Variants in KHDRBS3 observed in about 807,000 individuals in gnomAD.
The protein encoded by KHDRBS3 is KH domain-containing, RNA-binding, signal transduction-associated protein 3.
In KHDRBS3, 23 loss-of-function variants were observed where a neutral mutation model predicts 45.6. The observed-to-expected ratio is 0.50, with a 90% CI of 0.36 to 0.72. KHDRBS3 has a LOEUF of 0.72. Among genes scored for constraint, KHDRBS3 ranks in the 30% least tolerant of loss-of-function variants. The pLI is 0.00. For missense variants in KHDRBS3, 352 were observed against 424.8 expected (o/e 0.83, Z 1.51); for synonymous variants, 162 against 156.5 (o/e 1.04, Z -0.26).
chr8:135,500,439 G>C (rs16905381), intron 1 of KHDRBS3, among the ~76,000 whole-genome samples: 16,284 of 152,194 alleles, frequency 0.11, 975 homozygotes, highest in East Asian at 0.19. Context: ...GACAATGGAA[G>C]TAGTTTTTTA....
At chr8:135,459,636 AAAGT>A (rs1045862066) in intron 1 of KHDRBS3, among the ~76,000 whole-genome samples, 1 of 152,206 alleles carries the variant, frequency 6.6e-6, no homozygotes, top group African/African-American at 2.4e-5. Context: ...TTTTCCTAAT[AAAGT>A]AGCTGAATCA....
rs376192401 is a variant in KHDRBS3 at position 135,604,137 on chromosome 8, C to A, written c.808-2818C>A. Among the ~76,000 whole-genome samples the A allele has an allele frequency of 5.3e-5, 8 of 151,160 alleles. No individual in the cohort carries two copies. The East Asian group carries it at 1.6e-3, about 29-fold the overall frequency. ...GCATACATGTTCATAATTATTTTACCTTCTTGATGGATTGATCTTTTTATC... is the reference window on the plus strand; with the variant it reads ...GCATACATGTTCATAATTATTTTACATTCTTGATGGATTGATCTTTTTATC... On this transcript the variant is annotated intron_variant, in intron 6 of 8. Transcript: ENST00000355849.
chr8:135,460,887 C>T (rs940182341), intron 1 of KHDRBS3, among the ~76,000 whole-genome samples: 3 of 152,100 alleles, frequency 2.0e-5, no homozygotes, highest in African/African-American at 4.8e-5. Flanking sequence ...ATTCAGTGTT[C>T]GTAAAGATTG....
chr8:135,532,898 C>T (rs1825551362), intron 2 of KHDRBS3, among the ~76,000 whole-genome samples: 1 of 152,068 alleles, frequency 6.6e-6, no homozygotes, highest in East Asian at 1.9e-4. Flanking sequence ...CAGTGCAGGT[C>T]TCACAAAGGT....
At chr8:135,593,881 A>G (rs1257863995) in intron 6 of KHDRBS3, among the ~76,000 whole-genome samples, 1 of 152,164 alleles carries the variant, frequency 6.6e-6, no homozygotes, top group East Asian at 1.9e-4. Flanking sequence ...GGAAAGTACA[A>G]CTGCTTGATG....
chr8:135,546,778 A>G (rs1254558241), intron 3 of KHDRBS3, among the ~76,000 whole-genome samples: 1 of 152,170 alleles, frequency 6.6e-6, no homozygotes, highest in African/African-American at 2.4e-5. Flanking sequence ...ATGTTGAATT[A>G]GGGGTTTAAT....
chr8:135,589,131 C>T (rs1828622551), intron 6 of KHDRBS3, among the ~76,000 whole-genome samples: 1 of 152,178 alleles, frequency 6.6e-6, no homozygotes, highest in Non-Finnish European at 1.5e-5. Flanking sequence ...ATAGTAGTCA[C>T]TTAATAAATA....
At chr8:135,572,047 T>A (rs1380872931) in intron 5 of KHDRBS3, among the ~76,000 whole-genome samples, 1 of 152,218 alleles carries the variant, frequency 6.6e-6, no homozygotes, top group East Asian at 1.9e-4. Context: ...GTAGGCAAAT[T>A]ACTTCTCTGT....
intron 1 of KHDRBS3, among the ~76,000 whole-genome samples, chr8:135,508,094 G>C (rs1045511770): frequency 1.3e-5 from 2 of 152,112 alleles, no homozygotes; most frequent in African/African-American, 4.8e-5. Flanking sequence ...TTTACTCTGA[G>C]CCTTTACTGT....
intron 7 of KHDRBS3, among the ~76,000 whole-genome samples, chr8:135,610,233 C>G (rs544312966): frequency 6.6e-6 from 1 of 151,934 alleles, no homozygotes; most frequent in African/African-American, 2.4e-5. Context: ...AGAGCCTGCT[C>G]TAAATCAGGC....
At chr8:135,483,850 T>G (rs1470026946) in intron 1 of KHDRBS3, among the ~76,000 whole-genome samples, 1 of 152,200 alleles carries the variant, frequency 6.6e-6, no homozygotes, top group Non-Finnish European at 1.5e-5. Context: ...TTTCTGGGCC[T>G]GGACAGGACA....
chr8:135,491,245 A>G (rs1823135738), intron 1 of KHDRBS3, among the ~76,000 whole-genome samples: 1 of 152,120 alleles, frequency 6.6e-6, no homozygotes, highest in Non-Finnish European at 1.5e-5. Flanking sequence ...TGAGAGGAAG[A>G]TGAATAGAAA....
intron 6 of KHDRBS3, among the ~76,000 whole-genome samples, chr8:135,588,534 CA>C (rs1368788142): frequency 6.6e-6 from 1 of 152,150 alleles, no homozygotes; most frequent in Non-Finnish European, 1.5e-5. Context: ...GGTGGGACAG[CA>C]AGTTTCAACC....
intron 7 of KHDRBS3, among the ~76,000 whole-genome samples, chr8:135,638,153 T>C (rs1177993266): frequency 6.6e-6 from 1 of 152,152 alleles, no homozygotes; most frequent in African/African-American, 2.4e-5. Flanking sequence ...AGAAAGAAGC[T>C]CAGGGTGTTC....
In KHDRBS3 at chr8:135,646,972, G is replaced by C. The variant is rs1368078496; in HGVS notation, c.950-21G>C. On this transcript the variant is annotated intron_variant, in intron 8 of 8. Transcript: ENST00000355849. Reference sequence around the variant, plus strand: ...GGATTCATGGCAGTGATCTAATTGTGATTCATCTTACTGATTGTAGGGCAA... The same window carrying C: ...GGATTCATGGCAGTGATCTAATTGTCATTCATCTTACTGATTGTAGGGCAA... The C allele has an allele frequency of 3.0e-6, 4 of 1,337,910 alleles. No individual in the cohort carries two copies. In the African/African-American group the frequency reaches 4.3e-5, roughly 14 times the overall value. The allele number at this position is 1,337,910 out of a possible 1,614,324, so 82.9% of individuals were successfully genotyped here. A position where few individuals can be genotyped will look rare whatever the true frequency, so the allele number is the denominator to read the frequency against.
chr8:135,621,987 C>A (rs35818214), intron 7 of KHDRBS3, among the ~76,000 whole-genome samples: 4 of 151,854 alleles, frequency 2.6e-5, no homozygotes, highest in Non-Finnish European at 4.4e-5. Flanking sequence ...GTGGAGCACC[C>A]GGAGCCTGGC....
At chr8:135,478,658 GAATC>G (rs759337052) in intron 1 of KHDRBS3, among the ~76,000 whole-genome samples, 1 of 152,060 alleles carries the variant, frequency 6.6e-6, no homozygotes, top group African/African-American at 2.4e-5. Flanking sequence ...ATGGGATTAA[GAATC>G]AATAACAGAA....
chr8:135,608,738 G>T (rs1029051184), intron 7 of KHDRBS3, among the ~76,000 whole-genome samples: 7 of 152,142 alleles, frequency 4.6e-5, no homozygotes, highest in Non-Finnish European at 2.9e-5. Flanking sequence ...AGGCAATTTT[G>T]TCATTGTGTG....
At chr8:135,526,169 C>T (rs1013486961) in intron 2 of KHDRBS3, among the ~76,000 whole-genome samples, 8 of 152,020 alleles carry the variant, frequency 5.3e-5, no homozygotes, top group African/African-American at 1.9e-4. Flanking sequence ...GATGTTTGCA[C>T]AATGAGGAAA....
Sources: allele counts gnomAD v4.1 joint callset (sites outside exome capture counted in the v4.1 genomes callset), GRCh38; gene constraint gnomAD v4.1.1; transcripts MANE v1.5; gene names NCBI Gene and HGNC (gene_info 2026-07-23, HGNC 2026-07-21).